Variants in CSMD1 observed in about 807,000 individuals in gnomAD.
The protein encoded by CSMD1 is CUB and sushi domain-containing protein 1.
CSMD1 carries 213 observed loss-of-function variants against 417.5 expected under a neutral mutation model. The observed-to-expected ratio is 0.51, with a 90% CI of 0.46 to 0.57. The LOEUF (loss-of-function observed/expected upper bound fraction) is 0.57, where lower values mean the gene tolerates loss of function less well. Ranked by LOEUF, CSMD1 falls within the 20% of genes least tolerant of loss-of-function variation. CSMD1 has a pLI of 0.00. For missense variants in CSMD1, 6,923 were observed against 4,529.7 expected (o/e 1.53, Z -15.17); for synonymous variants, 2,862 against 1,736.8 (o/e 1.65, Z -16.11).
chr8:3,979,100 C>T (rs1199622569), intron 5 of CSMD1, among the ~76,000 whole-genome samples: 1 of 152,186 alleles, frequency 6.6e-6, no homozygotes, highest in African/African-American at 2.4e-5. Context: ...GTAGCCAGTG[C>T]ATTTAGAGAG....
In CSMD1 at chr8:3,100,888, G is replaced by C. The variant is rs150946648; in HGVS notation, c.6950-3851C>G. Among the ~76,000 whole-genome samples, 332 of 152,162 alleles carry C rather than the reference G, an allele frequency of 2.2e-3. 1 individual carries two copies. Among genetic ancestry groups the C allele is most frequent in the African/African-American group, 7.3e-3 (301 of 41,510 alleles). On this transcript the variant is annotated intron_variant, in intron 46 of 69. Coordinates refer to ENST00000635120, the MANE Select transcript of CSMD1 (RefSeq NM_033225.6). ...GAAGGTGAGCCCTCTGTGAACTAGG[G>C]AAAAGGCTGCCCCAGAGCCCTTGTG...
At chr8:4,732,472 CA>C in intron 1 of CSMD1, among the ~76,000 whole-genome samples, 1 of 151,878 alleles carries the variant, frequency 6.6e-6, no homozygotes, top group Non-Finnish European at 1.5e-5. Flanking sequence ...GAATTACTTA[CA>C]AGGGCTTCAT....
At chr8:2,974,036 G>GGTGGTAGAGGATA (rs1804700243) in intron 56 of CSMD1, among the ~76,000 whole-genome samples, 2 of 146,148 alleles carry the variant, frequency 1.4e-5, no homozygotes, top group Non-Finnish European at 3.0e-5. Context: ...GGTAGAGGAT[G>GGTGGTAGAGGATA]GTGGTAGAGG....
At position 4,039,387 on chromosome 8, in the gene CSMD1, G is replaced by C. The variant is rs543172037; in HGVS notation, c.416-7288C>G. ...CCACTCTCTCTCCTGGCTTTGGGAA[G>C]GATTAGAAAAATCTGGTTATATAAT... On this transcript the variant is annotated intron_variant, in intron 3 of 69. Transcript: ENST00000635120. Among the ~76,000 whole-genome samples, 3 of 152,302 alleles carry C rather than the reference G, an allele frequency of 2.0e-5. No homozygotes were observed. In the East Asian group the frequency reaches 5.8e-4, roughly 29 times the overall value.
intron 3 of CSMD1, among the ~76,000 whole-genome samples, chr8:4,098,320 A>G (rs1219731027): frequency 6.6e-6 from 1 of 152,214 alleles, no homozygotes; most frequent in Non-Finnish European, 1.5e-5. Flanking sequence ...ATAAAGTATC[A>G]CACTGAGAAT....
intron 3 of CSMD1, among the ~76,000 whole-genome samples, chr8:4,147,171 C>T (rs986170888): frequency 2.0e-5 from 3 of 152,042 alleles, no homozygotes; most frequent in East Asian, 1.9e-4. Flanking sequence ...TCCCCCCCTG[C>T]CCCCACCACC....
At chr8:4,361,865 G>A (rs1222270773) in intron 3 of CSMD1, among the ~76,000 whole-genome samples, 1 of 152,110 alleles carries the variant, frequency 6.6e-6, no homozygotes, top group Admixed American at 6.5e-5. Context: ...TAAGGCAGAA[G>A]AATTGCTTGA....
chr8:4,447,189 A>G (rs1398190022), intron 2 of CSMD1, among the ~76,000 whole-genome samples: 2 of 152,234 alleles, frequency 1.3e-5, no homozygotes, highest in Admixed American at 6.5e-5. Flanking sequence ...TTTCCCAATT[A>G]TTATGGATAA....
chr8:3,267,631 C>T (rs920935447), intron 26 of CSMD1, among the ~76,000 whole-genome samples: 6 of 152,102 alleles, frequency 3.9e-5, no homozygotes, highest in East Asian at 1.9e-4. Flanking sequence ...AAATGTGTCC[C>T]GGCAAAAGCA....
intron 5 of CSMD1, among the ~76,000 whole-genome samples, chr8:3,871,544 T>C (rs1805482642): frequency 6.6e-6 from 1 of 152,176 alleles, no homozygotes; most frequent in Non-Finnish European, 1.5e-5. Flanking sequence ...TAATTTTTCT[T>C]AGTCTATTAG....
intron 1 of CSMD1, among the ~76,000 whole-genome samples, chr8:4,826,313 G>A (rs1053248341): frequency 1.3e-5 from 2 of 151,988 alleles, no homozygotes; most frequent in African/African-American, 4.8e-5. Context: ...GTATATATGT[G>A]TGTGTGTGTA....
At chr8:4,854,881 G>A (rs1173347250) in intron 1 of CSMD1, among the ~76,000 whole-genome samples, 2 of 152,222 alleles carry the variant, frequency 1.3e-5, no homozygotes, top group Non-Finnish European at 2.9e-5. Flanking sequence ...AAACAAAGCA[G>A]CCAGGAAGCT....
intron 1 of CSMD1, among the ~76,000 whole-genome samples, chr8:4,672,516 T>A (rs114346311): frequency 2.0e-5 from 3 of 152,154 alleles, no homozygotes; most frequent in African/African-American, 7.2e-5. Flanking sequence ...TTAATAAGGA[T>A]CTTTGGTGAA....
intron 1 of CSMD1, among the ~76,000 whole-genome samples, chr8:4,889,113 C>G (rs955836722): frequency 6.6e-6 from 1 of 152,024 alleles, no homozygotes; most frequent in Non-Finnish European, 1.5e-5. Flanking sequence ...TGTGCAATGT[C>G]CGAAAGTATC....
chr8:3,671,519 ATATATGATCATATATATATATATATG>A (rs1330811214), intron 7 of CSMD1, among the ~76,000 whole-genome samples: 7 of 17,300 alleles, frequency 4.0e-4, no homozygotes, highest in African/African-American at 1.9e-3. Context: ...ATATGATCAT[ATATATGATCATATATATATATATATG>A]ATCATATATA....
intron 3 of CSMD1, among the ~76,000 whole-genome samples, chr8:4,302,208 T>C (rs1440944622): frequency 6.6e-6 from 1 of 152,164 alleles, no homozygotes; most frequent in African/African-American, 2.4e-5. Flanking sequence ...AACAAAGCTT[T>C]AAATAGATGC....
At chr8:3,839,875 G>C (rs1433924622) in intron 5 of CSMD1, among the ~76,000 whole-genome samples, 4 of 151,860 alleles carry the variant, frequency 2.6e-5, no homozygotes, top group Non-Finnish European at 5.9e-5. Flanking sequence ...AGTTTCTAAG[G>C]ATCAGAACAG....
intron 1 of CSMD1, among the ~76,000 whole-genome samples, chr8:4,950,715 G>C (rs1439449812): frequency 2.0e-5 from 3 of 152,138 alleles, no homozygotes; most frequent in Non-Finnish European, 4.4e-5. Flanking sequence ...AAAAGAGTTG[G>C]TCATTGAATA....
At chr8:3,906,435 A>C (rs1304299933) in intron 5 of CSMD1, among the ~76,000 whole-genome samples, 2 of 152,170 alleles carry the variant, frequency 1.3e-5, no homozygotes, top group Non-Finnish European at 2.9e-5. Flanking sequence ...GTAATGTTTA[A>C]TGCCTTAGAA....
Sources: gnomAD v4.1 joint callset for allele counts (sites outside exome capture counted in the v4.1 genomes callset) on GRCh38, gnomAD v4.1.1 for gene constraint, MANE v1.5 for transcripts, NCBI Gene and HGNC (gene_info 2026-07-23, HGNC 2026-07-21) for gene names.